The following PCK1 variants were observed in gnomAD, a reference collection of about 807,000 sequenced individuals.
The protein encoded by PCK1 is phosphoenolpyruvate carboxykinase 1, also known as phosphoenolpyruvate carboxykinase, cytosolic [GTP].
Under a neutral mutation model 50.3 loss-of-function variants are expected in PCK1, and 44 were observed. That is an observed-to-expected ratio of 0.87 (90% confidence interval 0.69 to 1.12). PCK1 has a LOEUF of 1.12. Among genes scored for constraint, PCK1 ranks in the 50% most tolerant of loss-of-function variants. The probability of loss-of-function intolerance (pLI) is 0.00; values close to 1 mark genes in which losing one functional copy is unlikely to be tolerated. For synonymous variants in PCK1, 332 were observed against 314.3 expected (o/e 1.06, Z -0.59); for missense variants, 790 against 815.0 (o/e 0.97, Z 0.37).
In PCK1 at chr20:57,565,050, A is replaced by G; in HGVS notation, c.1329A>G (p.Leu443=). ...FGGRRPAGVP[L]VYEALSWQHG... ...TTTTTCCTGCTAAAGGTGTCCCTCTAGTCTATGAAGCTCTCAGCTGGCAAC... is the reference window on the plus strand; with the variant it reads ...TTTTTCCTGCTAAAGGTGTCCCTCTGGTCTATGAAGCTCTCAGCTGGCAAC... The change falls in exon 9 of 10, where the codon CTA becomes CTG. Residue 443 remains leucine, a synonymous_variant. Transcript: ENST00000319441. 1 of 1,612,514 alleles carries G rather than the reference A, an allele frequency of 6.2e-7. No homozygotes were observed. Among genetic ancestry groups the G allele is most frequent in the Non-Finnish European group, 8.5e-7 (1 of 1,178,918 alleles).
At position 57,564,475 on chromosome 20, in the gene PCK1, C is replaced by A. The variant is rs560631603; in HGVS notation, c.1187-7C>A. On this transcript the variant is annotated splice_polypyrimidine_tract_variant and splice_region_variant and intron_variant, in intron 7 of 9. Transcript: ENST00000319441. ...CAGGCACTCACGAGCCTTTCTCTGTCTTATAGGGGAACCTTGTGCCCACCC... is the reference window on the plus strand; with the variant it reads ...CAGGCACTCACGAGCCTTTCTCTGTATTATAGGGGAACCTTGTGCCCACCC... The A allele has an allele frequency of 2.5e-6, 4 of 1,614,180 alleles. No homozygotes were observed. In the South Asian group the frequency reaches 4.4e-5, roughly 18 times the overall value.
At position 57,566,047 on chromosome 20, in the gene PCK1, T is replaced by C. The variant is rs2070201742; in HGVS notation, c.*243T>C. The C allele has an allele frequency of 2.1e-6, 1 of 472,206 alleles. No homozygotes were observed. The highest frequency in any genetic ancestry group is 3.7e-6 in the Non-Finnish European group (1 of 267,184). The allele number at this position is 472,206 out of a possible 1,614,324, so 29.3% of individuals were successfully genotyped here. On this transcript the variant is annotated 3_prime_UTR_variant, in exon 10 of 10. Transcript: ENST00000319441. Reference sequence around the variant, plus strand: ...CCTCCAAAAATTCACATCCAATGCATAGTTTGTTCAAATTTAAGGTTACTC... The same window carrying C: ...CCTCCAAAAATTCACATCCAATGCACAGTTTGTTCAAATTTAAGGTTACTC...
chr20:57,563,876 T>C, intron 6 of PCK1, 149 bp downstream of exon 6: 2 of 679,078 alleles, frequency 2.9e-6, no homozygotes, highest in African/African-American at 3.6e-5. Context: ...ATGGATCCTG[T>C]AAGAATTCTT....
chr20:57,565,129 C>T lies in PCK1; in HGVS notation c.1408C>T (p.His470Tyr). ...MRSEATAAAE[H>Y]KGKIIMHDPF... ...ATCAGAGGCCACAGCGGCTGCAGAACATAAAGGTAAATCAAAGTCCTGATC... is the reference window on the plus strand; with the variant it reads ...ATCAGAGGCCACAGCGGCTGCAGAATATAAAGGTAAATCAAAGTCCTGATC... The change falls in exon 9 of 10, where the codon CAT (histidine) becomes TAT (tyrosine). Residue 470 changes from histidine to tyrosine, a missense_variant. Physicochemically the swap from His to Tyr is moderately conservative, Grantham distance 83. Coordinates refer to ENST00000319441, the MANE Select transcript of PCK1 (RefSeq NM_002591.4). The T allele has an allele frequency of 1.2e-6, 2 of 1,612,584 alleles. 1 individual carries two copies. Among genetic ancestry groups the T allele is most frequent in the South Asian group, 2.2e-5 (2 of 91,036 alleles).
rs192297442 is a variant in PCK1, at chr20:57,565,897, G to T, written c.*93G>T. The T allele has an allele frequency of 3.4e-4, 305 of 893,940 alleles. 7 individuals carry two copies. In the Admixed American group the frequency reaches 8.2e-3, roughly 24 times the overall value. The allele number at this position is 893,940 out of a possible 1,614,324, so 55.4% of individuals were successfully genotyped here. On this transcript the variant is annotated 3_prime_UTR_variant, in exon 10 of 10. Coordinates refer to ENST00000319441, the MANE Select transcript of PCK1 (RefSeq NM_002591.4). ...AGAGGGCAAGTGTTCCCAAATTGACGCCACCATAATAATCATCACCACACC... is the reference window on the plus strand; with the variant it reads ...AGAGGGCAAGTGTTCCCAAATTGACTCCACCATAATAATCATCACCACACC...
In PCK1 at chr20:57,565,311, G is replaced by A. The variant is rs375095521; in HGVS notation, c.1415-39G>A. The A allele has an allele frequency of 1.8e-5, 27 of 1,535,200 alleles. No individual in the cohort carries two copies. In the Admixed American group the frequency reaches 2.0e-4, roughly 11 times the overall value. On this transcript the variant is annotated intron_variant, in intron 9 of 9. Transcript: ENST00000319441. Reference sequence around the variant, plus strand: ...TCAATGGCGTCAGTCTTGCCTAGGAGAGCCTCATTTACTAATGAACTCCCT... The same window carrying A: ...TCAATGGCGTCAGTCTTGCCTAGGAAAGCCTCATTTACTAATGAACTCCCT...
chr20:57,561,570 T>C lies in PCK1; in HGVS notation c.159T>C (p.Asn53=), dbSNP rs2146526207. 6.2e-7 allele frequency: 1 copy of C among 1,613,914 alleles called. No homozygotes were observed. The highest frequency in any genetic ancestry group is 2.2e-5 in the East Asian group (1 of 44,848). The stretch of plus-strand genomic sequence containing the variant: ...TCTGTGACGGCTCTGAGGAGGAGAA[T>C]GGGCGGCTTCTGGGCCAGATGGAGG... The part of the protein sequence containing the change: ...IHICDGSEEE[N]GRLLGQMEEE... Residue 53 remains asparagine, a synonymous_variant, in exon 2 of 10, where the codon AAT becomes AAC. Coordinates refer to ENST00000319441, the MANE Select transcript of PCK1 (RefSeq NM_002591.4).
chr20:57,561,855 G>A, intron 2 of PCK1: 1 of 609,356 alleles, frequency 1.6e-6, no homozygotes, highest in South Asian at 2.1e-5. Context: ...CTGCCAACTA[G>A]ATTCCTGATT....
At position 57,565,633 on chromosome 20, in the gene PCK1, G is replaced by A. The variant is rs1444219263; in HGVS notation, c.1698G>A (p.Leu566=). ...GYIPKEDALN[L]KGLGHINMME... The stretch of plus-strand genomic sequence containing the variant: ...TCCCCAAGGAGGATGCCCTGAACCT[G>A]AAAGGCCTGGGGCACATCAACATGA... The change falls in exon 10 of 10, where the codon CTG becomes CTA. Residue 566 remains leucine, a synonymous_variant. Coordinates refer to ENST00000319441, the MANE Select transcript of PCK1 (RefSeq NM_002591.4). 1 of 1,614,060 alleles carries A rather than the reference G, an allele frequency of 6.2e-7. No homozygotes were observed. The highest frequency in any genetic ancestry group is 8.5e-7 in the Non-Finnish European group (1 of 1,180,048).
rs2146526325 is a variant in PCK1 at position 57,561,647 on chromosome 20, C to T, written c.224+12C>T. 4.5e-6 allele frequency: 7 copies of T among 1,572,304 alleles called. No individual in the cohort carries two copies. Among genetic ancestry groups the T allele is most frequent in the Admixed American group, 3.3e-5 (2 of 59,972 alleles). ...AAGTATGACAACTGGTAAGCTCGGC[C>T]CCCGCTGCCTGTCCCAGCACCCTGC... is the stretch of plus-strand genomic sequence containing the variant. On this transcript the variant is annotated intron_variant, in intron 2 of 9. Transcript: ENST00000319441.
rs758844765 is a variant in PCK1 at position 57,565,507 on chromosome 20, A to G, written c.1572A>G (p.Lys524=). ...VNWFRKDKEG[K]FLWPGFGENS... The stretch of plus-strand genomic sequence containing the variant: ...GGTTCCGGAAGGACAAGGAAGGCAA[A>G]TTCCTCTGGCCAGGCTTTGGAGAGA... The change falls in exon 10 of 10, where the codon AAA becomes AAG. Residue 524 remains lysine (K), a synonymous_variant. Coordinates refer to ENST00000319441, the MANE Select transcript of PCK1 (RefSeq NM_002591.4). The G allele has an allele frequency of 4.0e-5, 65 of 1,614,120 alleles. No individual in the cohort carries two copies. Among genetic ancestry groups the G allele is most frequent in the Non-Finnish European group, 5.4e-5 (64 of 1,180,050 alleles).
At position 57,561,954 on chromosome 20, in the gene PCK1, C is replaced by G. The variant is rs17847710; in HGVS notation, c.225-117C>G. The G allele has an allele frequency of 0.11, 82,886 of 783,556 alleles. 4,778 individuals are homozygous for G. Among genetic ancestry groups the G allele is most frequent in the African/African-American group, 0.13 (7,425 of 57,892 alleles). 48.5% of individuals were successfully genotyped at this position (783,556 alleles called of 1,614,324 possible). A position where few individuals can be genotyped will look rare whatever the true frequency, so the allele number is the denominator to read the frequency against. On this transcript the variant is annotated intron_variant, in intron 2 of 9. Coordinates refer to ENST00000319441, the MANE Select transcript of PCK1 (RefSeq NM_002591.4). The stretch of plus-strand genomic sequence containing the variant: ...GTCTTAGATGGTCTGTGTGTTCACA[C>G]TGATGGACTGTTGTTAGCGTGCTCA...
intron 2 of PCK1, 53 bp downstream of exon 2, chr20:57,561,688 G>A (rs1254740864): frequency 1.6e-6 from 2 of 1,258,542 alleles, no homozygotes; most frequent in Non-Finnish European, 1.2e-6. Flanking sequence ...GGGCTCCCCT[G>A]CGTCTCCTGG....
rs1401473852 is a variant in PCK1 at position 57,565,768 on chromosome 20, G to C, written c.1833G>C (p.Glu611Asp). Residue 611 changes from glutamate to aspartate, a missense_variant, in exon 10 of 10, where the codon GAG (glutamate) becomes GAC (aspartate). Coordinates refer to ENST00000319441, the MANE Select transcript of PCK1 (RefSeq NM_002591.4). ...NADLPCEIER[E>D]ILALKQRISQ... ...ACCTCCCCTGTGAAATCGAGAGAGA[G>C]ATCCTTGCCTTGAAGCAAAGAATAA... 2.5e-6 allele frequency: 4 copies of C among 1,612,830 alleles called. No individual in the cohort carries two copies. Among genetic ancestry groups the C allele is most frequent in the Middle Eastern group, 1.7e-4 (1 of 6,058 alleles).
Position 57,561,635 on chromosome 20 carries a change from G to C in PCK1, c.224G>C (p.Cys75Ser). ...AGGCGGCTGAAGAAGTATGACAACTGGTAAGCTCGGCCCCCGCTGCCTGTC... is the reference window on the plus strand; with the variant it reads ...AGGCGGCTGAAGAAGTATGACAACTCGTAAGCTCGGCCCCCGCTGCCTGTC... ...ILRRLKKYDN[C>S]WLALTDPRDV... The change falls in exon 2 of 10, where the codon TGC becomes TCC. Residue 75 changes from cysteine (C) to serine (S), a missense_variant and splice_region_variant. Transcript: ENST00000319441. 6.2e-7 allele frequency: 1 copy of C among 1,602,498 alleles called. No homozygotes were observed. Among genetic ancestry groups the C allele is most frequent in the Non-Finnish European group, 8.5e-7 (1 of 1,171,714 alleles).
intron 6 of PCK1, 90 bp from the exon 7 acceptor site, chr20:57,564,079 T>C (rs1171559947): frequency 1.2e-6 from 1 of 803,278 alleles, no homozygotes; most frequent in Non-Finnish European, 2.0e-6. Flanking sequence ...TTTGAGAAGT[T>C]GGCATAGAAA....
In PCK1 at chr20:57,564,295, C is replaced by A. The variant is rs1376085806; in HGVS notation, c.1088C>A (p.Thr363Asn). 1 of 1,614,052 alleles carries A rather than the reference C, an allele frequency of 6.2e-7. No homozygotes were observed. Among genetic ancestry groups the A allele is most frequent in the Admixed American group, 1.7e-5 (1 of 60,018 alleles). The stretch of plus-strand genomic sequence containing the variant: ...ACAATCTTTACCAATGTGGCCGAGA[C>A]CAGCGACGGGGGCGTTTACTGGGAA... ...KNTIFTNVAE[T>N]SDGGVYWEGI... Residue 363 changes from threonine to asparagine, a missense_variant, in exon 7 of 10, where the codon ACC (threonine) becomes AAC (asparagine). Thr to Asn is a moderately conservative substitution (Grantham distance 65, BLOSUM62 0). Transcript: ENST00000319441.
rs368785323 is a variant in PCK1 at position 57,564,291 on chromosome 20, G to A, written c.1084G>A (p.Glu362Lys). Residue 362 changes from glutamate (E) to lysine (K), a missense_variant, in exon 7 of 10, where the codon GAG becomes AAG. By Grantham distance (56) the Glu-to-Lys change is moderately conservative. Transcript: ENST00000319441. ...QKNTIFTNVA[E>K]TSDGGVYWEG... The stretch of plus-strand genomic sequence containing the variant: ...GAACACAATCTTTACCAATGTGGCC[G>A]AGACCAGCGACGGGGGCGTTTACTG... 22 of 1,613,960 alleles carry A rather than the reference G, an allele frequency of 1.4e-5. No homozygotes were observed. Among genetic ancestry groups the A allele is most frequent in the East Asian group, 2.2e-5 (1 of 44,888 alleles).
In PCK1 at chr20:57,565,553, A is replaced by G. The variant is rs377429546; in HGVS notation, c.1618A>G (p.Met540Val). Residue 540 changes from methionine to valine, a missense_variant, in exon 10 of 10, where the codon ATG (methionine) becomes GTG (valine). Met to Val is a conservative substitution (Grantham distance 21). Transcript: ENST00000319441. The part of the protein sequence containing the change: ...FGENSRVLEW[M>V]FNRIDGKAST... ...AGAGAACTCCAGGGTGCTGGAGTGG[A>G]TGTTCAACCGGATCGATGGAAAAGC... 5.6e-6 allele frequency: 9 copies of G among 1,614,020 alleles called. No individual in the cohort carries two copies. In the African/African-American group the frequency reaches 1.2e-4, roughly 22 times the overall value.
Sources: allele counts gnomAD v4.1 joint callset, GRCh38; gene constraint gnomAD v4.1.1; transcripts MANE v1.5; gene names NCBI Gene and HGNC (gene_info 2026-07-23, HGNC 2026-07-21).